Variants in LRRTM4 observed in about 807,000 individuals in gnomAD.
LRRTM4 encodes leucine-rich repeat transmembrane neuronal protein 4.
In LRRTM4, 25 loss-of-function variants were observed where a neutral mutation model predicts 47.6. The observed-to-expected ratio is 0.53, with a 90% confidence interval of 0.38 to 0.73. The LOEUF (loss-of-function observed/expected upper bound fraction) is 0.73, where lower values mean the gene tolerates loss of function less well. LRRTM4 is among the 30% of genes least tolerant of loss of function. The pLI, the probability that LRRTM4 is intolerant of heterozygous loss-of-function variation, is 0.00. For synonymous variants in LRRTM4, 311 were observed against 269.5 expected, an observed-to-expected ratio of 1.15 and a Z score of -1.51; for missense variants, 638 against 713.4, an observed-to-expected ratio of 0.89 and a Z score of 1.20.
chr2:77,080,388 C>T (rs914469316), intron 3 of LRRTM4, among the ~76,000 whole-genome samples: 1 of 152,136 alleles, frequency 6.6e-6, no homozygotes, highest in Admixed American at 6.6e-5. Context: ...ATCCCATATC[C>T]GACTGAAGTC....
At chr2:77,221,933 C>T (rs1197119194) in intron 3 of LRRTM4, among the ~76,000 whole-genome samples, 3 of 152,050 alleles carry the variant, frequency 2.0e-5, no homozygotes, top group Admixed American at 2.0e-4. Context: ...ACACTTATTC[C>T]AAAATTGACC....
intron 3 of LRRTM4, among the ~76,000 whole-genome samples, chr2:76,956,163 T>C (rs10187466): frequency 0.6 from 90,579 of 151,496 alleles, 29,312 homozygotes; most frequent in African/African-American, 0.85. Context: ...CAAAGAAGAA[T>C]AGAGGTGCCT....
chr2:77,295,924 A>G (rs552608802), intron 3 of LRRTM4, among the ~76,000 whole-genome samples: 1 of 152,270 alleles, frequency 6.6e-6, no homozygotes, highest in East Asian at 1.9e-4. Context: ...ATGAATCTTA[A>G]GGGGGCCCAA....
intron 3 of LRRTM4, among the ~76,000 whole-genome samples, chr2:77,276,174 A>G (rs185660792): frequency 6.6e-6 from 1 of 152,184 alleles, no homozygotes; most frequent in East Asian, 1.9e-4. Flanking sequence ...TTTTATCAAT[A>G]AATTATAATT....
intron 3 of LRRTM4, among the ~76,000 whole-genome samples, chr2:77,341,088 T>C (rs916878182): frequency 2.0e-5 from 3 of 151,650 alleles, no homozygotes; most frequent in South Asian, 2.1e-4. Context: ...AACAGAAGAG[T>C]CCGTTTACTC....
At chr2:77,264,408 A>T (rs1474545544) in intron 3 of LRRTM4, among the ~76,000 whole-genome samples, 3 of 152,086 alleles carry the variant, frequency 2.0e-5, no homozygotes. Flanking sequence ...ACCCTATCAG[A>T]TCCATACCCC....
intron 3 of LRRTM4, among the ~76,000 whole-genome samples, chr2:77,007,995 C>G (rs1677722021): frequency 6.6e-6 from 1 of 152,114 alleles, no homozygotes; most frequent in Non-Finnish European, 1.5e-5. Flanking sequence ...GATTTATTAT[C>G]TAAGGTATTA....
intron 3 of LRRTM4, among the ~76,000 whole-genome samples, chr2:76,843,655 A>G (rs1671753111): frequency 6.6e-6 from 1 of 152,228 alleles, no homozygotes; most frequent in South Asian, 2.1e-4. Flanking sequence ...CAATAAACAG[A>G]CAAAATAATA....
chr2:77,259,659 G>A (rs1449955423), intron 3 of LRRTM4, among the ~76,000 whole-genome samples: 1 of 152,002 alleles, frequency 6.6e-6, no homozygotes, highest in Non-Finnish European at 1.5e-5. Context: ...CCTTTCCAAA[G>A]TGACTGTTCC....
At chr2:76,814,806 TACACAC>T (rs111468624) in intron 3 of LRRTM4, among the ~76,000 whole-genome samples, 71 of 52,658 alleles carry the variant, frequency 1.3e-3, no homozygotes, top group African/African-American at 3.0e-3. Flanking sequence ...CACACACACA[TACACAC>T]ACACACACAC....
intron 3 of LRRTM4, among the ~76,000 whole-genome samples, chr2:77,045,313 T>G (rs867553472): frequency 1.3e-5 from 2 of 151,932 alleles, no homozygotes; most frequent in Non-Finnish European, 2.9e-5. Context: ...CAGTTGTCTT[T>G]TCCTCATTCC....
intron 3 of LRRTM4, among the ~76,000 whole-genome samples, chr2:76,913,185 G>A (rs1344034796): frequency 6.6e-6 from 1 of 151,980 alleles, no homozygotes; most frequent in Non-Finnish European, 1.5e-5. Flanking sequence ...TGACCCATTT[G>A]TTTGAAATAT....
chr2:77,265,990 G>A (rs555559994), intron 3 of LRRTM4, among the ~76,000 whole-genome samples: 1 of 152,258 alleles, frequency 6.6e-6, no homozygotes, highest in East Asian at 1.9e-4. Context: ...CTAGAGCAGA[G>A]GTTGGTAAAT....
intron 3 of LRRTM4, among the ~76,000 whole-genome samples, chr2:77,196,051 T>C (rs1002375448): frequency 6.6e-5 from 10 of 152,128 alleles, no homozygotes; most frequent in Non-Finnish European, 1.2e-4. Flanking sequence ...CCCAAATATA[T>C]TACCTTGGAA....
intron 3 of LRRTM4, among the ~76,000 whole-genome samples, chr2:77,480,482 G>A (rs1480615438): frequency 6.6e-6 from 1 of 152,168 alleles, no homozygotes; most frequent in Non-Finnish European, 1.5e-5. Context: ...AACTGCATCA[G>A]CCAGGGTTAA....
intron 3 of LRRTM4, among the ~76,000 whole-genome samples, chr2:77,227,894 T>G (rs899145426): frequency 5.9e-5 from 9 of 152,132 alleles, no homozygotes; most frequent in Admixed American, 2.0e-4. Flanking sequence ...TCTACATTAT[T>G]ATTTTTTCTT....
intron 3 of LRRTM4, among the ~76,000 whole-genome samples, chr2:77,422,600 A>C (rs1674944968): frequency 6.6e-6 from 1 of 152,216 alleles, no homozygotes; most frequent in Non-Finnish European, 1.5e-5. Context: ...TTATGAAACC[A>C]TCATAGAAAT....
intron 3 of LRRTM4, among the ~76,000 whole-genome samples, chr2:76,988,954 A>G (rs1446721): frequency 0.12 from 18,393 of 151,842 alleles, 1,408 homozygotes; most frequent in Admixed American, 0.2. Flanking sequence ...CTGAGAAATA[A>G]TCACTTAAAA....
At chr2:77,106,655 A>T (rs1199529342) in intron 3 of LRRTM4, among the ~76,000 whole-genome samples, 1 of 152,174 alleles carries the variant, frequency 6.6e-6, no homozygotes, top group East Asian at 1.9e-4. Flanking sequence ...TAGAATTACA[A>T]GGATAGAAAA....
Sources: allele counts gnomAD v4.1 joint callset (sites outside exome capture counted in the v4.1 genomes callset), GRCh38; gene constraint gnomAD v4.1.1; transcripts MANE v1.5; gene names NCBI Gene and HGNC (gene_info 2026-07-23, HGNC 2026-07-21).